The following CAST variants were observed in gnomAD, a reference collection of about 807,000 sequenced individuals.
CAST encodes MIR583 host.
CAST carries 76 observed loss-of-function variants against 119.6 expected under a neutral mutation model. The observed-to-expected ratio is 0.64, with a 90% CI of 0.53 to 0.77. The LOEUF (loss-of-function observed/expected upper bound fraction) is 0.77. Among genes scored for constraint, CAST ranks in the 30% least tolerant of loss-of-function variants. The pLI is 0.00. For synonymous variants in CAST, 319 were observed against 331.6 expected (o/e 0.96, Z 0.41); for missense variants, 953 against 946.5 (o/e 1.01, Z -0.09).
In CAST at chr5:96,632,482, TTG is replaced by T. The variant is rs200929164; in HGVS notation, c.61-43051_61-43050del. On this transcript the variant is annotated intron_variant, in intron 1 of 11. Coordinates refer to the CAST transcript ENST00000505143. The stretch of plus-strand genomic sequence containing the variant: ...TATACACACACATATTTTTAATTGC[TTG>T]TGTGTTTGGTGTCTTATCTAAAAAA... Among the ~76,000 whole-genome samples the T allele has an allele frequency of 9.2e-3, 1,401 of 152,014 alleles. 29 individuals are homozygous for T. The highest frequency in any genetic ancestry group is 0.032 in the African/African-American group (1,343 of 41,500).
chr5:96,662,477 G>A lies in CAST; in HGVS notation c.55G>A (p.Ala19Thr), dbSNP rs1478455120. The stretch of plus-strand genomic sequence containing the variant: ...CTCCCCGCGGCCCCGGCGAGCAGCC[G>A]CCGCCCGCCGCACCCATGAGGTGAG... Reference protein sequence around the residue: ...AASPRPRRAAAARRTHEHVSE... With the variant: ...AASPRPRRAATARRTHEHVSE... Residue 19 changes from alanine to threonine, a missense_variant, in exon 1 of 32, where the codon GCC (alanine) becomes ACC (threonine). Physicochemically the swap from Ala to Thr is moderately conservative, Grantham distance 58 (BLOSUM62 0). Coordinates refer to ENST00000675179, the MANE Select transcript of CAST (RefSeq NM_001750.7). 6 of 1,427,200 alleles carry A rather than the reference G, an allele frequency of 4.2e-6. No individual in the cohort carries two copies. Among genetic ancestry groups the A allele is most frequent in the South Asian group, 2.9e-5 (2 of 69,300 alleles). 88.4% of individuals were successfully genotyped at this position (1,427,200 alleles called of 1,614,324 possible).
At chr5:96,082,062 C>T in the CAST span, among the ~76,000 whole-genome samples, 59 of 152,152 alleles carry the variant, frequency 3.9e-4, 1 homozygote, top group African/African-American at 1.1e-3. Flanking sequence ...TACAGGCGCA[C>T]GCTACCACAC....
chr5:96,500,567 G>A, the CAST span, among the ~76,000 whole-genome samples: 4 of 152,092 alleles, frequency 2.6e-5, no homozygotes, highest in African/African-American at 4.8e-5. Context: ...CTTCAAGCTC[G>A]TTCCCTTATG....
At chr5:96,472,905 T>C in the CAST span, among the ~76,000 whole-genome samples, 1 of 152,328 alleles carries the variant, frequency 6.6e-6, no homozygotes, top group Non-Finnish European at 1.5e-5. Flanking sequence ...GGCAGTATCA[T>C]ACTCCCTCTA....
intron 1 of CAST, among the ~76,000 whole-genome samples, chr5:96,665,638 A>G (rs1435123355): frequency 1.3e-5 from 2 of 152,112 alleles, no homozygotes; most frequent in Non-Finnish European, 2.9e-5. Context: ...CATACACAAA[A>G]TGCAGTTTCC....
the CAST span, among the ~76,000 whole-genome samples, chr5:96,266,108 A>C: frequency 6.6e-6 from 1 of 152,182 alleles, no homozygotes; most frequent in African/African-American, 2.4e-5. Context: ...CATTACTGAG[A>C]TTATAACCAG....
chr5:96,094,151 C>G, the CAST span, among the ~76,000 whole-genome samples: 1 of 152,154 alleles, frequency 6.6e-6, no homozygotes, highest in Non-Finnish European at 1.5e-5. Context: ...TCCCTGGAGC[C>G]CATTAGTCTC....
At chr5:96,432,659 T>C in the CAST span, among the ~76,000 whole-genome samples, 1 of 152,182 alleles carries the variant, frequency 6.6e-6, no homozygotes, top group Admixed American at 6.5e-5. Flanking sequence ...TTCCTTCTGC[T>C]TGGCTGCGCC....
At chr5:96,700,378 G>A (rs1753735955) in intron 3 of CAST, among the ~76,000 whole-genome samples, 1 of 152,134 alleles carries the variant, frequency 6.6e-6, no homozygotes, top group South Asian at 2.1e-4. Flanking sequence ...TCTATGGCAG[G>A]TTAAAAAATA....
intron 24 of CAST, among the ~76,000 whole-genome samples, chr5:96,759,807 T>A (rs937202303): frequency 6.6e-5 from 10 of 152,174 alleles, no homozygotes; most frequent in Admixed American, 5.9e-4. Flanking sequence ...TTGGCTTTTA[T>A]GAATTTTTAA....
chr5:96,333,244 G>T, the CAST span, among the ~76,000 whole-genome samples: 1 of 151,958 alleles, frequency 6.6e-6, no homozygotes, highest in African/African-American at 2.4e-5. Flanking sequence ...GAGTTAGAGT[G>T]ACCTGTACAG....
the CAST span, among the ~76,000 whole-genome samples, chr5:96,349,997 C>T: frequency 6.0e-4 from 92 of 152,244 alleles, no homozygotes; most frequent in Non-Finnish European, 1.1e-3. Context: ...GATTGACAAT[C>T]GACTAAATTG....
chr5:96,743,211 C>T (rs543157497), intron 16 of CAST, among the ~76,000 whole-genome samples: 1 of 152,156 alleles, frequency 6.6e-6, no homozygotes, highest in Non-Finnish European at 1.5e-5. Context: ...GCAACAATTA[C>T]CCTAACTAGA....
intron 1 of CAST, among the ~76,000 whole-genome samples, chr5:96,557,801 CAG>C (rs2150183731): frequency 6.6e-6 from 1 of 152,246 alleles, no homozygotes; most frequent in Admixed American, 6.5e-5. Flanking sequence ...ATCAACGAGA[CAG>C]AAAGTTAACA....
the CAST span, among the ~76,000 whole-genome samples, chr5:96,291,843 CGTGT>C: frequency 0.021 from 2,807 of 133,030 alleles, 58 homozygotes; most frequent in African/African-American, 0.052. Context: ...TCCCAGTCTG[CGTGT>C]GTGTGTGTGT....
chr5:96,740,927 G>A lies in CAST; in HGVS notation c.918+144G>A. 4.6e-6 allele frequency: 3 copies of A among 650,482 alleles called. No homozygotes were observed. In the South Asian group the frequency reaches 5.8e-5, roughly 13 times the overall value. 40.3% of individuals were successfully genotyped at this position (650,482 alleles called of 1,614,324 possible). A position where few individuals can be genotyped will look rare whatever the true frequency, so the allele number is the denominator to read the frequency against. On this transcript the variant is annotated intron_variant, in intron 13 of 31. Transcript: ENST00000675179. ...GAGTTTCTGTGTGTTCAGAGAAAGGGGTTGGTGGGAGGGTTGTCTCAGTGC... is the reference window on the plus strand; with the variant it reads ...GAGTTTCTGTGTGTTCAGAGAAAGGAGTTGGTGGGAGGGTTGTCTCAGTGC...
At chr5:96,461,634 T>C in the CAST span, among the ~76,000 whole-genome samples, 36 of 152,094 alleles carry the variant, frequency 2.4e-4, no homozygotes, top group Admixed American at 2.3e-3. Flanking sequence ...CCTGGGTCTC[T>C]CATTTTGTTT....
chr5:96,134,346 A>G, the CAST span, among the ~76,000 whole-genome samples: 388 of 152,268 alleles, frequency 2.5e-3, 1 homozygote, highest in Non-Finnish European at 3.8e-3. Flanking sequence ...TGCAATCTCC[A>G]TTTTCTTTCT....
At chr5:96,177,098 GATT>G in the CAST span, among the ~76,000 whole-genome samples, 1 of 152,078 alleles carries the variant, frequency 6.6e-6, no homozygotes. Flanking sequence ...TTATTATTAT[GATT>G]ATTATTATTA....
Sources: allele counts gnomAD v4.1 joint callset (sites outside exome capture counted in the v4.1 genomes callset), GRCh38; gene constraint gnomAD v4.1.1; transcripts MANE v1.5; gene names NCBI Gene and HGNC (gene_info 2026-07-23, HGNC 2026-07-21).